The following NAALADL2 variants were observed in gnomAD, a reference collection of about 807,000 sequenced individuals.
NAALADL2 encodes N-acetylated alpha-linked acidic dipeptidase like 2, also known as inactive N-acetylated-alpha-linked acidic dipeptidase-like protein 2.
A neutral mutation model predicts 87.2 loss-of-function variants in NAALADL2; 76 were observed. That is an observed-to-expected ratio of 0.87 (90% CI 0.72 to 1.05). The LOEUF (loss-of-function observed/expected upper bound fraction) is 1.05, where lower values mean the gene tolerates loss of function less well. NAALADL2 is among the 50% of genes least tolerant of loss of function. The pLI, the probability that NAALADL2 is intolerant of heterozygous loss-of-function variation, is 0.00. For missense variants in NAALADL2, 1,089 were observed against 945.8 expected, an observed-to-expected ratio of 1.15 and a Z score of -1.99; for synonymous variants, 354 against 331.0, an observed-to-expected ratio of 1.07 and a Z score of -0.75.
intron 2 of NAALADL2, among the ~76,000 whole-genome samples, chr3:174,715,648 C>T (rs756297371): frequency 8.5e-5 from 13 of 152,150 alleles, no homozygotes; most frequent in Non-Finnish European, 1.5e-4. Context: ...GTTTATAATT[C>T]AGGACTAAGT....
At chr3:175,422,735 TAAAC>T (rs376350324) in intron 5 of NAALADL2, among the ~76,000 whole-genome samples, 9 of 152,140 alleles carry the variant, frequency 5.9e-5, no homozygotes, top group Middle Eastern at 3.4e-3. Flanking sequence ...TTTCTCAAGA[TAAAC>T]AAAAACTAGT....
chr3:175,209,720 T>C (rs1308995306), intron 2 of NAALADL2, among the ~76,000 whole-genome samples: 1 of 151,732 alleles, frequency 6.6e-6, no homozygotes, highest in African/African-American at 2.4e-5. Flanking sequence ...TATATATATA[T>C]ACTTGGTGTA....
chr3:175,036,395 T>G (rs1484028996), intron 1 of NAALADL2, among the ~76,000 whole-genome samples: 1 of 151,970 alleles, frequency 6.6e-6, no homozygotes, highest in African/African-American at 2.4e-5. Flanking sequence ...ACACAATTTT[T>G]TTTTTTCTTT....
At chr3:175,336,127 C>CT (rs11368865) in intron 5 of NAALADL2, among the ~76,000 whole-genome samples, 16,623 of 151,282 alleles carry the variant, frequency 0.11, 3,036 homozygotes, top group African/African-American at 0.38. Flanking sequence ...TCTGAAGCTT[C>CT]TTTTTTTTTC....
intron 9 of NAALADL2, among the ~76,000 whole-genome samples, chr3:175,517,881 C>T (rs1357436142): frequency 6.6e-6 from 1 of 152,114 alleles, no homozygotes; most frequent in African/African-American, 2.4e-5. Context: ...ATAGGGATCG[C>T]AGATTGGTTG....
intron 1 of NAALADL2, among the ~76,000 whole-genome samples, chr3:174,500,636 C>T (rs1389046527): frequency 1.3e-5 from 2 of 152,036 alleles, no homozygotes; most frequent in Admixed American, 1.3e-4. Flanking sequence ...CCCTCTATTC[C>T]TATCCTTCTA....
At chr3:175,463,825 T>C (rs1280668999) in intron 7 of NAALADL2, among the ~76,000 whole-genome samples, 2 of 152,128 alleles carry the variant, frequency 1.3e-5, no homozygotes, top group South Asian at 4.1e-4. Context: ...GTTTTCTTTT[T>C]TCTTATACTC....
chr3:174,465,435 C>G (rs550307452), intron 1 of NAALADL2, among the ~76,000 whole-genome samples: 204 of 152,212 alleles, frequency 1.3e-3, no homozygotes, highest in Non-Finnish European at 2.5e-3. Flanking sequence ...AACATCTTTT[C>G]TTATAAATTC....
intron 5 of NAALADL2, among the ~76,000 whole-genome samples, chr3:175,393,259 C>T (rs1353464849): frequency 1.9e-5 from 2 of 106,748 alleles, no homozygotes; most frequent in East Asian, 3.0e-4. Context: ...CCGGCCTGGG[C>T]GACAGAGCGA....
rs188596761 is a variant in NAALADL2 at position 175,056,892 on chromosome 3, G to A, written c.44-39898G>A. Among the ~76,000 whole-genome samples, 455 of 152,264 alleles carry A rather than the reference G, an allele frequency of 3.0e-3. 5 individuals are homozygous for A. The highest frequency in any genetic ancestry group is 0.01 in the African/African-American group (433 of 41,548). ...GCCAGGTGTTCCTTGCCCTCATTCCGGTAAACCCACAACCTTCCAATGTGG... is the reference window on the plus strand; with the variant it reads ...GCCAGGTGTTCCTTGCCCTCATTCCAGTAAACCCACAACCTTCCAATGTGG... On this transcript the variant is annotated intron_variant, in intron 1 of 13. Transcript: ENST00000454872.
intron 11 of NAALADL2, among the ~76,000 whole-genome samples, chr3:175,713,995 C>A (rs1216832581): frequency 3.9e-5 from 6 of 152,090 alleles, no homozygotes; most frequent in Non-Finnish European, 8.8e-5. Context: ...GTTTTCTATT[C>A]CTGTATTAGT....
At chr3:175,482,427 T>C (rs1726615394) in intron 9 of NAALADL2, among the ~76,000 whole-genome samples, 2 of 151,866 alleles carry the variant, frequency 1.3e-5, no homozygotes, top group Admixed American at 1.3e-4. Flanking sequence ...ACTAAAGCCT[T>C]GGTTTATGGT....
chr3:174,608,631 A>C (rs1252979620), intron 2 of NAALADL2, among the ~76,000 whole-genome samples: 1 of 152,184 alleles, frequency 6.6e-6, no homozygotes, highest in East Asian at 1.9e-4. Flanking sequence ...TGAATCCCTG[A>C]ATAGACCAAT....
chr3:174,889,361 C>T (rs1730588953), intron 1 of NAALADL2, among the ~76,000 whole-genome samples: 1 of 151,924 alleles, frequency 6.6e-6, no homozygotes, highest in Admixed American at 6.6e-5. Context: ...TTTTCTTTTT[C>T]TTCAGGGTTT....
chr3:175,714,885 G>T (rs1023749149), intron 11 of NAALADL2, among the ~76,000 whole-genome samples: 6 of 152,054 alleles, frequency 3.9e-5, no homozygotes, highest in African/African-American at 1.4e-4. Context: ...ATTAACTCAA[G>T]ATGAATTAAA....
chr3:175,519,584 G>C (rs1398032550), intron 9 of NAALADL2, among the ~76,000 whole-genome samples: 4 of 152,118 alleles, frequency 2.6e-5, no homozygotes, highest in Non-Finnish European at 4.4e-5. Context: ...TTAATAAATA[G>C]AAACATTATG....
intron 2 of NAALADL2, among the ~76,000 whole-genome samples, chr3:175,100,486 C>T (rs1349944219): frequency 3.9e-5 from 6 of 152,078 alleles, no homozygotes; most frequent in Admixed American, 3.9e-4. Flanking sequence ...TCAGAGAATC[C>T]AGCCTCCTAC....
chr3:174,581,153 A>G (rs1009740472), intron 2 of NAALADL2, among the ~76,000 whole-genome samples: 1 of 152,230 alleles, frequency 6.6e-6, no homozygotes. Flanking sequence ...GAAATCAGCC[A>G]GGATTCAATC....
chr3:175,791,112 A>G (rs1274191655), intron 13 of NAALADL2, among the ~76,000 whole-genome samples: 1 of 152,170 alleles, frequency 6.6e-6, no homozygotes, highest in Non-Finnish European at 1.5e-5. Flanking sequence ...AAATTTGGTA[A>G]TGATTCCTAG....
Sources: allele counts gnomAD v4.1 joint callset (sites outside exome capture counted in the v4.1 genomes callset), GRCh38; gene constraint gnomAD v4.1.1; transcripts MANE v1.5; gene names NCBI Gene and HGNC (gene_info 2026-07-23, HGNC 2026-07-21).